The following SND1 variants were observed in gnomAD, a reference collection of about 807,000 sequenced individuals.
SND1 encodes staphylococcal nuclease and tudor domain containing 1.
In SND1, 38 loss-of-function variants were observed where a neutral mutation model predicts 121.7. That is an observed-to-expected ratio of 0.31 (90% CI 0.24 to 0.41). SND1 has a LOEUF of 0.41. SND1 is among the 10% of genes least tolerant of loss of function. The pLI is 1.00. For synonymous variants in SND1, 401 were observed against 447.4 expected, an observed-to-expected ratio of 0.90 and a Z score of 1.31; for missense variants, 868 against 1,184.6, an observed-to-expected ratio of 0.73 and a Z score of 3.92.
At position 128,015,802 on chromosome 7, in the gene SND1, A is replaced by G. The variant is rs1235735491; in HGVS notation, c.1779+24746A>G. 6.6e-6 allele frequency among the ~76,000 whole-genome samples: 1 copy of G among 152,154 alleles called. No homozygotes were observed. The highest frequency in any genetic ancestry group is 2.4e-5 in the African/African-American group (1 of 41,438). On this transcript the variant is annotated intron_variant, in intron 16 of 23. Transcript: ENST00000354725. This position sits in a 1 kb window ranked among gnomAD's most constrained non-coding sequence, Gnocchi z 4.5. ...AGAAATTTGGAGCTGTACAGGAATC[A>G]GATGTCCCACCTAGCAGGCTCTGCC... is the stretch of plus-strand genomic sequence containing the variant.
At chr7:127,988,598 G>T (rs1802449751) in intron 15 of SND1, among the ~76,000 whole-genome samples, 2 of 152,208 alleles carry the variant, frequency 1.3e-5, no homozygotes, top group African/African-American at 4.8e-5. Context: ...TGGTCTCCAG[G>T]ATTCAGGGGA....
chr7:128,054,983 G>A (rs550667710), intron 16 of SND1, among the ~76,000 whole-genome samples: 3 of 152,338 alleles, frequency 2.0e-5, no homozygotes, highest in Admixed American at 6.5e-5. Context: ...GCAGTGTAGA[G>A]TTATTCTAAT....
Position 128,084,776 on chromosome 7 carries a change from C to A in SND1, c.2163C>A (p.His721Gln). The A allele has an allele frequency of 6.2e-7, 1 of 1,609,736 alleles. No homozygotes were observed. The highest frequency in any genetic ancestry group is 8.5e-7 in the Non-Finnish European group (1 of 1,177,212). The change falls in exon 19 of 24, where the codon CAC becomes CAA. Residue 721 changes from histidine to glutamine, a missense_variant. By Grantham distance (24) the His-to-Gln change is conservative (BLOSUM62 0). Transcript: ENST00000354725. Reference protein sequence around the residue: ...MENMRNDIASHPPVEGSYAPR... With the variant: ...MENMRNDIASQPPVEGSYAPR... ...ACATGCGCAATGACATTGCCAGTCACCCCCCTGTAGAGGGCTCCTATGCCC... is the reference window on the plus strand; with the variant it reads ...ACATGCGCAATGACATTGCCAGTCAACCCCCTGTAGAGGGCTCCTATGCCC...
chr7:127,764,256 CTT>C (rs568577109), intron 10 of SND1, among the ~76,000 whole-genome samples: 15 of 152,128 alleles, frequency 9.9e-5, no homozygotes, highest in Non-Finnish European at 1.8e-4. Flanking sequence ...ATAAAAAACA[CTT>C]TTTGTTTCTT....
intron 12 of SND1, among the ~76,000 whole-genome samples, chr7:127,869,314 G>T (rs569803991): frequency 1.1e-4 from 17 of 152,278 alleles, no homozygotes; most frequent in African/African-American, 3.8e-4. Context: ...TGGGAGATGG[G>T]GTTAGCGAAG....
chr7:127,812,144 C>A (rs916715115), intron 11 of SND1, among the ~76,000 whole-genome samples: 6 of 152,300 alleles, frequency 3.9e-5, no homozygotes, highest in Middle Eastern at 3.4e-3. Context: ...GAATTAAAGA[C>A]TTTTAGAAAT....
In SND1 at chr7:127,904,693, C is replaced by T; in HGVS notation, c.1455-54C>T. On this transcript the variant is annotated intron_variant, in intron 13 of 23. Transcript: ENST00000354725. ...CTCTCTTCATTTTTGCACCCTCCTA[C>T]CCCTTCCCATTGTGATTCTTGTTTT... The T allele has an allele frequency of 2.4e-6, 3 of 1,237,294 alleles. No homozygotes were observed. In the South Asian group the frequency reaches 3.6e-5, roughly 15 times the overall value. The allele number at this position is 1,237,294 out of a possible 1,614,324, so 76.6% of individuals were successfully genotyped here.
intron 17 of SND1, among the ~76,000 whole-genome samples, chr7:128,076,359 C>T (rs1398048056): frequency 3.3e-5 from 5 of 152,174 alleles, no homozygotes; most frequent in Admixed American, 3.3e-4. Flanking sequence ...ACACGGCCTG[C>T]GTGTTTTTAT....
chr7:127,854,888 G>A (rs1285868578), intron 12 of SND1, among the ~76,000 whole-genome samples: 1 of 151,878 alleles, frequency 6.6e-6, no homozygotes, highest in Non-Finnish European at 1.5e-5. Flanking sequence ...CATTCTGAGT[G>A]ATCTTTTAAA....
chr7:127,686,991 A>T, intron 2 of SND1: 1 of 443,464 alleles, frequency 2.3e-6, no homozygotes, highest in Non-Finnish European at 3.9e-6. Context: ...CTTTTCCCAT[A>T]GACTTAGATT....
chr7:127,885,299 A>C (rs572717859), intron 12 of SND1, among the ~76,000 whole-genome samples: 1 of 152,296 alleles, frequency 6.6e-6, no homozygotes, highest in East Asian at 1.9e-4. Context: ...TGATTCTCAT[A>C]TGCATTGCAC....
intron 10 of SND1, among the ~76,000 whole-genome samples, chr7:127,773,691 G>A (rs985992725): frequency 1.3e-5 from 2 of 151,936 alleles, no homozygotes; most frequent in South Asian, 2.1e-4. Flanking sequence ...CTGTCTCCTC[G>A]AAAAAAAATC....
At chr7:127,910,079 C>T (rs1165950178) in intron 14 of SND1, among the ~76,000 whole-genome samples, 2 of 152,064 alleles carry the variant, frequency 1.3e-5, no homozygotes, top group East Asian at 3.9e-4. Context: ...CTTTCCTTAG[C>T]TCTTTATTAA....
chr7:127,708,289 G>C (rs778676377), intron 9 of SND1, among the ~76,000 whole-genome samples: 1 of 152,016 alleles, frequency 6.6e-6, no homozygotes, highest in Non-Finnish European at 1.5e-5. Context: ...CCTAAGGTAG[G>C]TTAGGCCAAG....
rs540213697 is a variant in SND1 at position 128,085,343 on chromosome 7, T to C, written c.2235-368T>C. Among the ~76,000 whole-genome samples the C allele has an allele frequency of 6.6e-6, 1 of 152,182 alleles. No individual in the cohort carries two copies. The highest frequency in any genetic ancestry group is 1.5e-5 in the Non-Finnish European group (1 of 68,020). On this transcript the variant is annotated intron_variant, in intron 19 of 23. Transcript: ENST00000354725. This position sits in a 1 kb window ranked among gnomAD's most constrained non-coding sequence, Gnocchi z 4.4. ...GCCTTCCCAGGGTGACGAAGTGACT[T>C]GGATATGTTCCCTGCTGCGGCCTCC... is the stretch of plus-strand genomic sequence containing the variant.
At chr7:127,922,178 T>TC (rs1800723960) in intron 14 of SND1, among the ~76,000 whole-genome samples, 1 of 49,850 alleles carries the variant, frequency 2.0e-5, no homozygotes, top group Admixed American at 1.9e-4. Flanking sequence ...TTCTTTCCTT[T>TC]TTTTTTTTTT....
intron 10 of SND1, among the ~76,000 whole-genome samples, chr7:127,765,025 C>A (rs561541000): frequency 5.9e-5 from 9 of 152,170 alleles, no homozygotes; most frequent in African/African-American, 2.2e-4. Context: ...ATTTTTGCAA[C>A]GAGTTGGTAA....
chr7:128,024,496 G>C (rs1284342588), intron 16 of SND1, among the ~76,000 whole-genome samples: 1 of 152,154 alleles, frequency 6.6e-6, no homozygotes, highest in Non-Finnish European at 1.5e-5. Flanking sequence ...GTTGAGTAAG[G>C]CCCACTTAGC....
intron 10 of SND1, among the ~76,000 whole-genome samples, chr7:127,731,840 T>C (rs1050350933): frequency 2.6e-5 from 4 of 152,232 alleles, no homozygotes; most frequent in African/African-American, 9.6e-5. Flanking sequence ...TCCTAAAAGA[T>C]ACAAATTAGT....
Sources: gnomAD v4.1 joint callset for allele counts (sites outside exome capture counted in the v4.1 genomes callset) on GRCh38, gnomAD v4.1.1 for gene constraint, Gnocchi (gnomAD v3.1) non-coding constraint, MANE v1.5 for transcripts, NCBI Gene and HGNC (gene_info 2026-07-23, HGNC 2026-07-21) for gene names.